The following CFAP96 variants were observed in gnomAD, a reference collection of about 807,000 sequenced individuals.
CFAP96 encodes the protein cilia and flagella associated protein 96.
the CFAP96 span, among the ~76,000 whole-genome samples, chr4:185,442,574 C>T: frequency 6.6e-6 from 1 of 152,086 alleles, no homozygotes; most frequent in Non-Finnish European, 1.5e-5. Flanking sequence ...TCTATATTAT[C>T]TGCAAATAAT....
the CFAP96 span, among the ~76,000 whole-genome samples, chr4:185,439,881 T>C: frequency 6.7e-6 from 1 of 148,162 alleles, no homozygotes; most frequent in Non-Finnish European, 1.5e-5. Flanking sequence ...AAAAATGTTA[T>C]ATATACATAT....
the CFAP96 span, chr4:185,432,319 G>GAA: frequency 1.7e-5 from 13 of 767,886 alleles, no homozygotes; most frequent in Non-Finnish European, 2.7e-5. Flanking sequence ...ATTATTCTTA[G>GAA]TTTGTCTTAG....
At chr4:185,439,890 ATC>A in the CFAP96 span, among the ~76,000 whole-genome samples, 3 of 146,850 alleles carry the variant, frequency 2.0e-5, no homozygotes, top group Non-Finnish European at 3.0e-5. Context: ...ATATATACAT[ATC>A]TCACATATAC....
the CFAP96 span, among the ~76,000 whole-genome samples, chr4:185,417,945 G>A: frequency 2.6e-5 from 4 of 151,916 alleles, no homozygotes; most frequent in Non-Finnish European, 4.4e-5. Context: ...TCAGGAGGCC[G>A]AGGCAGGAGA....
the CFAP96 span, among the ~76,000 whole-genome samples, chr4:185,442,017 T>C: frequency 6.6e-6 from 1 of 152,274 alleles, no homozygotes; most frequent in Non-Finnish European, 1.5e-5. Flanking sequence ...TGAAATGCCA[T>C]GTTTATCAAA....
At chr4:185,438,801 T>TCC in the CFAP96 span, among the ~76,000 whole-genome samples, 2 of 152,210 alleles carry the variant, frequency 1.3e-5, no homozygotes, top group Non-Finnish European at 2.9e-5. Context: ...GGCTGTTTAT[T>TCC]CCCCACTACT....
chr4:185,440,956 A>AT, the CFAP96 span, among the ~76,000 whole-genome samples: 81 of 144,340 alleles, frequency 5.6e-4, 1 homozygote, highest in African/African-American at 2.1e-3. Flanking sequence ...TGAATTTATA[A>AT]TTTTTTTTTT....
the CFAP96 span, among the ~76,000 whole-genome samples, chr4:185,411,542 AAAT>A: frequency 3.9e-5 from 6 of 152,222 alleles, no homozygotes; most frequent in Non-Finnish European, 7.4e-5. Context: ...GGGGAATAAA[AAAT>A]AATGAGTCAT....
At chr4:185,418,782 G>T in the CFAP96 span, 1 of 1,574,040 alleles carries the variant, frequency 6.4e-7, no homozygotes, top group South Asian at 1.2e-5. Context: ...TAAATTAAAA[G>T]AATATAAATA....
At chr4:185,425,805 C>T in the CFAP96 span, 10 of 1,579,072 alleles carry the variant, frequency 6.3e-6, no homozygotes, top group Non-Finnish European at 7.7e-6. Context: ...GAAGCCCGCT[C>T]GTGGCGGCTG....
At chr4:185,422,410 T>C in the CFAP96 span, 3 of 1,111,654 alleles carry the variant, frequency 2.7e-6, no homozygotes, top group East Asian at 2.4e-5. Context: ...CTCAGTTTCA[T>C]TTGCAAAGTG....
the CFAP96 span, among the ~76,000 whole-genome samples, chr4:185,443,320 G>GTGTA: frequency 3.6e-5 from 2 of 55,992 alleles, no homozygotes; most frequent in African/African-American, 1.3e-4. Flanking sequence ...TATTTTTTAT[G>GTGTA]TATATATATA....
chr4:185,448,255 A>T, the CFAP96 span, among the ~76,000 whole-genome samples: 409 of 152,228 alleles, frequency 2.7e-3, 1 homozygote, highest in Non-Finnish European at 4.3e-3. Context: ...TCCTGACCTC[A>T]GGTGATCCGC....
At chr4:185,432,861 TA>T in the CFAP96 span, among the ~76,000 whole-genome samples, 10 of 145,686 alleles carry the variant, frequency 6.9e-5, no homozygotes, top group African/African-American at 2.3e-4. Flanking sequence ...AGATCTTGTC[TA>T]AAAAAAAAAA....
At chr4:185,415,466 GGA>G in the CFAP96 span, 4 of 916,450 alleles carry the variant, frequency 4.4e-6, no homozygotes, top group Non-Finnish European at 6.2e-6. Context: ...GTTTGCTAAA[GGA>G]AGTCTGAATT....
chr4:185,445,361 T>C, the CFAP96 span: 44 of 762,098 alleles, frequency 5.8e-5, no homozygotes, highest in Non-Finnish European at 8.9e-5. Context: ...CACCAAACCA[T>C]TCTGTGCATA....
the CFAP96 span, among the ~76,000 whole-genome samples, chr4:185,410,222 A>G: frequency 6.6e-6 from 1 of 152,230 alleles, no homozygotes; most frequent in African/African-American, 2.4e-5. Context: ...TAAATAATAC[A>G]TGGACAAAAG....
chr4:185,421,539 C>CT, the CFAP96 span, among the ~76,000 whole-genome samples: 137 of 152,278 alleles, frequency 9.0e-4, no homozygotes, highest in African/African-American at 3.1e-3. Context: ...TTTGCTCCTT[C>CT]TTTTGCCATG....
the CFAP96 span, among the ~76,000 whole-genome samples, chr4:185,444,340 C>G: frequency 6.6e-6 from 1 of 152,238 alleles, no homozygotes; most frequent in East Asian, 1.9e-4. Context: ...TATTATGATT[C>G]TATAGAATTT....
Sources: allele counts gnomAD v4.1 joint callset (sites outside exome capture counted in the v4.1 genomes callset), GRCh38; gene constraint gnomAD v4.1.1; transcripts MANE v1.5; gene names NCBI Gene and HGNC (gene_info 2026-07-23, HGNC 2026-07-21).